Variants in SASH1 observed in about 807,000 individuals in gnomAD.
The protein encoded by SASH1 is SAM and SH3 domain-containing protein 1.
SASH1 carries 44 observed loss-of-function variants against 125.2 expected under a neutral mutation model. The ratio of observed to expected loss-of-function variants is 0.35; its 90% CI spans 0.28 to 0.45. The LOEUF is 0.45. Ranked by LOEUF, SASH1 falls within the 20% of genes least tolerant of loss-of-function variation. The pLI is 1.00. For missense variants in SASH1, 1,426 were observed against 1,614.5 expected (o/e 0.88, Z 2.00); for synonymous variants, 639 against 649.1 (o/e 0.98, Z 0.24).
intron 1 of SASH1, among the ~76,000 whole-genome samples, chr6:148,303,491 A>G (rs868831312): frequency 6.6e-6 from 1 of 152,200 alleles, no homozygotes; most frequent in Non-Finnish European, 1.5e-5. Flanking sequence ...TGAGAAATTC[A>G]CAAATATGTA....
In SASH1 at chr6:148,421,139, AAGG is replaced by A. The variant is rs1785050485; in HGVS notation, c.286-19043_286-19041del. Among the ~76,000 whole-genome samples the A allele has an allele frequency of 4.6e-4, 29 of 62,382 alleles. 1 individual carries two copies. The highest frequency in any genetic ancestry group is 6.6e-4 in the Non-Finnish European group (18 of 27,448). 40.9% of individuals were successfully genotyped at this position (62,382 alleles called of 152,430 possible). A position where few individuals can be genotyped will look rare whatever the true frequency, so the allele number is the denominator to read the frequency against. On this transcript the variant is annotated intron_variant, in intron 2 of 19. Transcript: ENST00000367467. ...AAAGAAAGGAAGAAAGGAAGGAAGG[AAGG>A]AAGGAAGAAAGAAAGAAAGAAAGAA...
chr6:148,541,655 G>A (rs1050920018), intron 17 of SASH1, among the ~76,000 whole-genome samples: 6 of 152,014 alleles, frequency 3.9e-5, no homozygotes, highest in Non-Finnish European at 4.4e-5. Flanking sequence ...CAGGAAAGTG[G>A]GTGTCCAGGA....
intron 2 of SASH1, among the ~76,000 whole-genome samples, chr6:148,396,026 T>C (rs558911868): frequency 6.6e-6 from 1 of 152,260 alleles, no homozygotes; most frequent in East Asian, 1.9e-4. Flanking sequence ...GATGACATAC[T>C]CATCAGCAGC....
At chr6:148,522,032 AG>A (rs1780847034) in intron 10 of SASH1, among the ~76,000 whole-genome samples, 1 of 152,226 alleles carries the variant, frequency 6.6e-6, no homozygotes, top group African/African-American at 2.4e-5. Flanking sequence ...TTAGTGTTGT[AG>A]GCCAGTGATT....
chr6:148,313,981 T>A (rs1780407548), intron 1 of SASH1, among the ~76,000 whole-genome samples: 1 of 152,180 alleles, frequency 6.6e-6, no homozygotes. Flanking sequence ...ATAAGCTCAG[T>A]GTTTTCCTGT....
chr6:148,469,630 G>A (rs1419178774), intron 5 of SASH1, among the ~76,000 whole-genome samples: 1 of 152,186 alleles, frequency 6.6e-6, no homozygotes, highest in Non-Finnish European at 1.5e-5. Flanking sequence ...CTACTTGGGA[G>A]GCTGAGGTGG....
chr6:148,479,450 A>C (rs1214564922), intron 7 of SASH1: 1 of 201,684 alleles, frequency 5.0e-6, no homozygotes, highest in Non-Finnish European at 1.1e-5. Flanking sequence ...GACATGCCTA[A>C]TCCAGCGTTC....
At chr6:148,380,823 C>A (rs1783100333) in intron 1 of SASH1, among the ~76,000 whole-genome samples, 1 of 152,090 alleles carries the variant, frequency 6.6e-6, no homozygotes, top group African/African-American at 2.4e-5. Context: ...TTAGTAAATC[C>A]CTTCAACAAG....
the SASH1 span, among the ~76,000 whole-genome samples, chr6:148,255,171 G>C: frequency 2.4e-3 from 367 of 152,298 alleles, 2 homozygotes; most frequent in African/African-American, 8.4e-3. Context: ...AAATACCACA[G>C]TCTGGGTGGC....
chr6:148,402,035 G>A (rs192185639), intron 2 of SASH1, among the ~76,000 whole-genome samples: 1 of 152,242 alleles, frequency 6.6e-6, no homozygotes, highest in East Asian at 1.9e-4. Flanking sequence ...GATTCATGAA[G>A]ATTAAACATT....
At chr6:148,466,081 T>A (rs530430538) in intron 4 of SASH1, among the ~76,000 whole-genome samples, 5 of 152,298 alleles carry the variant, frequency 3.3e-5, no homozygotes, top group African/African-American at 1.2e-4. Flanking sequence ...TAAATACAGG[T>A]ATTTTCATTT....
rs758579847 is a variant in SASH1 at position 148,533,751 on chromosome 6, C to A, written c.1735-20C>A. On this transcript the variant is annotated intron_variant, in intron 14 of 19. Transcript: ENST00000367467. This position sits in a 1 kb window ranked among gnomAD's most constrained non-coding sequence, Gnocchi z 6.2. The stretch of plus-strand genomic sequence containing the variant: ...CATGGAATGTACCTAATGGAAAGAT[C>A]TTTGCTCCCTGGGCCACAGAAAGGA... 6 of 1,603,812 alleles carry A rather than the reference C, an allele frequency of 3.7e-6. No individual in the cohort carries two copies. The highest frequency in any genetic ancestry group is 2.0e-4 in the Middle Eastern group (1 of 4,928).
rs1364978684 is a variant in SASH1 at position 148,529,259 on chromosome 6, A to G, written c.1428+1663A>G. On this transcript the variant is annotated intron_variant, in intron 12 of 19. Transcript: ENST00000367467. The surrounding 1 kb of genome is among the most constrained non-coding windows in gnomAD (Gnocchi z 4.2). ...AGGATAGAGGCCAGGGACGCTGCCAAACATCTTAGCATGCACAGGACGGTC... is the reference window on the plus strand; with the variant it reads ...AGGATAGAGGCCAGGGACGCTGCCAGACATCTTAGCATGCACAGGACGGTC... Among the ~76,000 whole-genome samples the G allele has an allele frequency of 6.6e-6, 1 of 152,172 alleles. No individual in the cohort carries two copies. The highest frequency in any genetic ancestry group is 1.5e-5 in the Non-Finnish European group (1 of 68,028).
chr6:148,382,407 A>C (rs1783176585), intron 1 of SASH1, among the ~76,000 whole-genome samples: 1 of 152,158 alleles, frequency 6.6e-6, no homozygotes, highest in Admixed American at 6.5e-5. Flanking sequence ...CTCCAGCCTC[A>C]GCCTCCTGAG....
chr6:148,465,898 C>T (rs1360992306), intron 4 of SASH1, among the ~76,000 whole-genome samples: 2 of 152,142 alleles, frequency 1.3e-5, no homozygotes, highest in Non-Finnish European at 2.9e-5. Flanking sequence ...CATTCTTCTC[C>T]TCCCCTTCCC....
At chr6:148,349,248 CTTTCTTTTTTT>C (rs1781627982) in intron 1 of SASH1, among the ~76,000 whole-genome samples, 1 of 66,246 alleles carries the variant, frequency 1.5e-5, no homozygotes, top group Non-Finnish European at 2.7e-5. Context: ...TTTCTTCTTT[CTTTCTTTTTTT>C]TTTTTTTTTT....
At chr6:148,320,921 C>T (rs73597360) in intron 1 of SASH1, among the ~76,000 whole-genome samples, 13 of 152,352 alleles carry the variant, frequency 8.5e-5, no homozygotes, top group Admixed American at 8.5e-4. Context: ...AATTTTGATT[C>T]TTCCTTCAGT....
intron 2 of SASH1, among the ~76,000 whole-genome samples, chr6:148,434,048 A>G (rs1024112325): frequency 6.7e-6 from 1 of 149,520 alleles, no homozygotes; most frequent in Non-Finnish European, 1.5e-5. Context: ...ATTTAAAAAC[A>G]TAGGGGAACT....
At chr6:148,289,861 G>GTTTTTTTTT (rs144013796) in intron 1 of SASH1, among the ~76,000 whole-genome samples, 4 of 85,892 alleles carry the variant, frequency 4.7e-5, no homozygotes, top group African/African-American at 1.3e-4. Context: ...TTTTGGTTGT[G>GTTTTTTTTT]TTTTTTTTTT....
Sources: gnomAD v4.1 joint callset for allele counts (sites outside exome capture counted in the v4.1 genomes callset) on GRCh38, gnomAD v4.1.1 for gene constraint, Gnocchi (gnomAD v3.1) non-coding constraint, MANE v1.5 for transcripts, NCBI Gene and HGNC (gene_info 2026-07-23, HGNC 2026-07-21) for gene names.